The following OTUD7B variants were observed in gnomAD, a reference collection of about 807,000 sequenced individuals.
OTUD7B encodes OTU deubiquitinase 7B.
OTUD7B carries 34 observed loss-of-function variants against 82.2 expected under a neutral mutation model. The ratio of observed to expected loss-of-function variants is 0.41; its 90% confidence interval spans 0.31 to 0.55. The LOEUF (loss-of-function observed/expected upper bound fraction) is 0.55. Among genes scored for constraint, OTUD7B ranks in the 20% least tolerant of loss-of-function variants. The pLI is 0.20. For missense variants in OTUD7B, 944 were observed against 1,062.1 expected (o/e 0.89, Z 1.55); for synonymous variants, 398 against 402.7 (o/e 0.99, Z 0.14).
chr1:149,994,584 C>CA (rs796210721), intron 1 of OTUD7B, among the ~76,000 whole-genome samples: 193 of 41,010 alleles, frequency 4.7e-3, no homozygotes, highest in African/African-American at 8.7e-3. Flanking sequence ...GACTCCATCT[C>CA]AAAAAAAAAA....
intron 1 of OTUD7B, among the ~76,000 whole-genome samples, chr1:150,005,521 T>TCA (rs139246658): frequency 0.12 from 18,022 of 151,970 alleles, 1,646 homozygotes; most frequent in African/African-American, 0.26. Context: ...GCTCGTGACA[T>TCA]CAGTTTGGTA....
At chr1:150,047,264 A>G in the OTUD7B span, among the ~76,000 whole-genome samples, 3 of 152,106 alleles carry the variant, frequency 2.0e-5, no homozygotes, top group Non-Finnish European at 4.4e-5. Context: ...CATGTATCTT[A>G]TTCCTTTAAC....
intron 2 of OTUD7B, among the ~76,000 whole-genome samples, chr1:149,972,120 T>C (rs1272786169): frequency 1.3e-5 from 2 of 152,210 alleles, no homozygotes; most frequent in African/African-American, 4.8e-5. Flanking sequence ...TTGTATGTCC[T>C]GGCCTACTTT....
At chr1:149,996,907 T>C (rs1651960661) in intron 1 of OTUD7B, among the ~76,000 whole-genome samples, 2 of 152,162 alleles carry the variant, frequency 1.3e-5, no homozygotes, top group South Asian at 2.1e-4. Context: ...TCATGGGCCA[T>C]ACCTAGGATG....
chr1:150,054,197 C>T, the OTUD7B span: 10 of 402,768 alleles, frequency 2.5e-5, no homozygotes, highest in Admixed American at 3.4e-4. Context: ...TTGCAAAATG[C>T]CTACATATTA....
At chr1:150,059,558 G>A in the OTUD7B span, among the ~76,000 whole-genome samples, 8 of 151,684 alleles carry the variant, frequency 5.3e-5, no homozygotes, top group African/African-American at 1.9e-4. Flanking sequence ...TAGTAGAGAC[G>A]GGGTTTTTCC....
chr1:150,035,280 T>C, the OTUD7B span, among the ~76,000 whole-genome samples: 13 of 152,228 alleles, frequency 8.5e-5, no homozygotes, highest in Admixed American at 7.9e-4. Flanking sequence ...GATATATTGG[T>C]AATACAGTAA....
upstream of OTUD7B, among the ~76,000 whole-genome samples, chr1:150,015,351 T>C (rs1653235942): frequency 6.8e-6 from 1 of 147,552 alleles, no homozygotes; most frequent in African/African-American, 2.5e-5. Context: ...TGGAGTGCAG[T>C]GGTGCAATCT....
intron 7 of OTUD7B, among the ~76,000 whole-genome samples, chr1:149,959,447 T>G (rs2101790938): frequency 6.6e-6 from 1 of 152,300 alleles, no homozygotes; most frequent in East Asian, 1.9e-4. Context: ...CTGAAGATAC[T>G]GGGTCATTTG....
chr1:149,951,096 C>G (rs587738067), intron 7 of OTUD7B, among the ~76,000 whole-genome samples: 172 of 147,618 alleles, frequency 1.2e-3, no homozygotes, highest in African/African-American at 4.2e-3. Flanking sequence ...AATTCTCCTG[C>G]CTCAGCCTCC....
intron 10 of OTUD7B, among the ~76,000 whole-genome samples, chr1:149,948,743 GA>G (rs782575422): frequency 1.3e-5 from 2 of 152,134 alleles, no homozygotes; most frequent in African/African-American, 2.4e-5. Flanking sequence ...TGTAAGAAAA[GA>G]ACAAGTTGAG....
At chr1:149,993,427 G>C (rs1439590851) in intron 1 of OTUD7B, among the ~76,000 whole-genome samples, 4 of 152,122 alleles carry the variant, frequency 2.6e-5, no homozygotes, top group African/African-American at 9.7e-5. Flanking sequence ...TTCATCTAAT[G>C]GACTGGTTCC....
At chr1:149,947,364 G>A (rs1279646485) in intron 10 of OTUD7B, 29 bp from the exon 11 acceptor site, 17 of 1,360,250 alleles carry the variant, frequency 1.2e-5, no homozygotes, top group Non-Finnish European at 1.7e-5. Context: ...ACAAATTACT[G>A]TCACCTTTTA....
intron 1 of OTUD7B, among the ~76,000 whole-genome samples, chr1:149,979,924 C>A (rs1650599311): frequency 2.0e-5 from 3 of 152,024 alleles, no homozygotes; most frequent in African/African-American, 7.2e-5. Flanking sequence ...TCAATCTTCT[C>A]TCTTTAAAAA....
chr1:149,947,933 A>C (rs1257415866), intron 10 of OTUD7B, among the ~76,000 whole-genome samples: 1 of 152,078 alleles, frequency 6.6e-6, no homozygotes, highest in Non-Finnish European at 1.5e-5. Context: ...TCTTGCTATT[A>C]AATTCCAGAA....
intron 6 of OTUD7B, among the ~76,000 whole-genome samples, chr1:149,960,705 A>G (rs781159384): frequency 5.9e-5 from 9 of 151,568 alleles, no homozygotes; most frequent in Non-Finnish European, 1.3e-4. Context: ...TTCTATATTC[A>G]TATATCCAGC....
At chr1:150,059,566 T>C in the OTUD7B span, among the ~76,000 whole-genome samples, 2 of 151,682 alleles carry the variant, frequency 1.3e-5, no homozygotes, top group East Asian at 1.9e-4. Flanking sequence ...ACGGGGTTTT[T>C]CCATGTTGGT....
chr1:149,948,666 G>A (rs1461745475), intron 10 of OTUD7B, among the ~76,000 whole-genome samples: 3 of 152,094 alleles, frequency 2.0e-5, no homozygotes, highest in Non-Finnish European at 2.9e-5. Context: ...CACCATGCCC[G>A]GCCTGATTAT....
At chr1:150,052,386 G>A in the OTUD7B span, among the ~76,000 whole-genome samples, 3,276 of 152,232 alleles carry the variant, frequency 0.022, 97 homozygotes, top group African/African-American at 0.074. Context: ...GTCAAGCTGA[G>A]AGCCAAATCA....
Sources: allele counts gnomAD v4.1 joint callset (sites outside exome capture counted in the v4.1 genomes callset), GRCh38; gene constraint gnomAD v4.1.1; transcripts MANE v1.5; gene names NCBI Gene and HGNC (gene_info 2026-07-23, HGNC 2026-07-21).